Variants in GNAI3 observed in about 807,000 individuals in gnomAD.
GNAI3 encodes the protein guanine nucleotide-binding protein G(i) subunit alpha-3.
GNAI3 carries 12 observed loss-of-function variants against 41.8 expected under a neutral mutation model. The observed-to-expected ratio is 0.29, with a 90% CI of 0.18 to 0.47. The LOEUF (loss-of-function observed/expected upper bound fraction) is 0.47, where lower values mean the gene tolerates loss of function less well. Ranked by LOEUF, GNAI3 falls within the 20% of genes least tolerant of loss-of-function variation. The pLI, the probability that GNAI3 is intolerant of heterozygous loss-of-function variation, is 1.00. For synonymous variants in GNAI3, 132 were observed against 146.5 expected (o/e 0.90, Z 0.71); for missense variants, 360 against 429.6 (o/e 0.84, Z 1.43).
chr1:109,563,393 A>G (rs1445559119), intron 1 of GNAI3, among the ~76,000 whole-genome samples: 2 of 152,126 alleles, frequency 1.3e-5, no homozygotes, highest in Non-Finnish European at 1.5e-5. Context: ...TCAGAAGACA[A>G]ACAAACAAAC....
chr1:109,564,041 G>GTT (rs5776986), intron 1 of GNAI3, among the ~76,000 whole-genome samples: 167 of 134,748 alleles, frequency 1.2e-3, no homozygotes, highest in Admixed American at 2.7e-3. Flanking sequence ...GTTTTTGTGT[G>GTT]TTTTTTTTTT....
intron 7 of GNAI3, among the ~76,000 whole-genome samples, chr1:109,590,479 T>C (rs886657143): frequency 1.3e-5 from 2 of 152,190 alleles, no homozygotes; most frequent in Non-Finnish European, 2.9e-5. Context: ...CTCCTTTAAT[T>C]TACAGAGGTT....
chr1:109,580,593 C>G (rs542477088), intron 4 of GNAI3, among the ~76,000 whole-genome samples: 15 of 152,332 alleles, frequency 9.8e-5, no homozygotes, highest in Admixed American at 9.1e-4. Context: ...GTATAGCCTA[C>G]TACACACCTA....
intron 1 of GNAI3, among the ~76,000 whole-genome samples, chr1:109,571,191 T>G (rs1648587732): frequency 6.6e-6 from 1 of 150,426 alleles, no homozygotes; most frequent in Admixed American, 6.6e-5. Context: ...AGGGTTTGTT[T>G]TGAGGTGAGA....
chr1:109,591,162 G>C (rs907934268), intron 7 of GNAI3, among the ~76,000 whole-genome samples: 10 of 152,114 alleles, frequency 6.6e-5, no homozygotes, highest in African/African-American at 2.4e-4. Flanking sequence ...GCTTCATTGA[G>C]ATATAATTGG....
chr1:109,549,010 AG>A (rs1647906011), intron 1 of GNAI3, among the ~76,000 whole-genome samples, 172 bp downstream of exon 1: 6 of 84,964 alleles, frequency 7.1e-5, no homozygotes, highest in African/African-American at 1.8e-4. Context: ...GGGCGTGATG[AG>A]GGGGGTGGGG....
chr1:109,579,146 T>C lies in GNAI3; in HGVS notation c.304-58T>C, dbSNP rs566657853. ...ATGTGTCTATATTTTAAAGAGACTG[T>C]CATCAAGTCTTAAAGAAATGGAGAG... On this transcript the variant is annotated intron_variant, in intron 3 of 8. Coordinates refer to ENST00000369851, the MANE Select transcript of GNAI3 (RefSeq NM_006496.4). The C allele has an allele frequency of 5.5e-5, 76 of 1,373,994 alleles. 1 individual carries two copies. In the Admixed American group the frequency reaches 1.3e-3, roughly 23 times the overall value. The allele number at this position is 1,373,994 out of a possible 1,614,324, so 85.1% of individuals were successfully genotyped here.
At chr1:109,573,651 A>G in intron 1 of GNAI3, 86 bp from the exon 2 acceptor site, 19 of 1,147,186 alleles carry the variant, frequency 1.7e-5, no homozygotes, top group Non-Finnish European at 2.5e-5. Context: ...CGTGGTTTTC[A>G]TCAATCTAGA....
At chr1:109,571,364 G>A (rs1648591496) in intron 1 of GNAI3, among the ~76,000 whole-genome samples, 1 of 152,192 alleles carries the variant, frequency 6.6e-6, no homozygotes, top group Non-Finnish European at 1.5e-5. Flanking sequence ...TTAGTATAGA[G>A]ACAGTATACA....
At chr1:109,568,862 G>GT (rs10712459) in intron 1 of GNAI3, among the ~76,000 whole-genome samples, 8 of 150,818 alleles carry the variant, frequency 5.3e-5, no homozygotes, top group Admixed American at 2.0e-4. Flanking sequence ...CTTGTTGTTT[G>GT]TTTTTTTTTG....
At chr1:109,564,762 C>T (rs974208855) in intron 1 of GNAI3, among the ~76,000 whole-genome samples, 1 of 152,060 alleles carries the variant, frequency 6.6e-6, no homozygotes, top group Non-Finnish European at 1.5e-5. Context: ...ACTGAGGTAG[C>T]GAAGTAGGGA....
rs1649195583 is a variant in GNAI3, at chr1:109,592,436, T to C, written c.*114T>C. ...ACGGGACCAGGGAATGGCAGCAGCA[T>C]GCAGAATCTTAGCACTCTTTAGCAC... On this transcript the variant is annotated 3_prime_UTR_variant, in exon 9 of 9. Transcript: ENST00000369851. The C allele has an allele frequency of 2.2e-6, 1 of 457,448 alleles. No individual in the cohort carries two copies. The highest frequency in any genetic ancestry group is 4.0e-6 in the Non-Finnish European group (1 of 252,560). 28.3% of individuals were successfully genotyped at this position (457,448 alleles called of 1,614,324 possible).
chr1:109,577,168 T>G (rs945118232), intron 3 of GNAI3, among the ~76,000 whole-genome samples: 1 of 151,984 alleles, frequency 6.6e-6, no homozygotes, highest in Admixed American at 6.6e-5. Context: ...CACTGCTGAG[T>G]ATGTTTGCCA....
At chr1:109,576,239 T>C (rs1648739860) in intron 3 of GNAI3, among the ~76,000 whole-genome samples, 1 of 151,912 alleles carries the variant, frequency 6.6e-6, no homozygotes, top group Admixed American at 6.6e-5. Context: ...TGACTAATTT[T>C]TGTATTTTTA....
chr1:109,579,550 C>T (rs1168249841), intron 4 of GNAI3, among the ~76,000 whole-genome samples, 189 bp downstream of exon 4: 1 of 152,134 alleles, frequency 6.6e-6, no homozygotes, highest in African/African-American at 2.4e-5. Flanking sequence ...GAAAAAAGTT[C>T]CCTCTTGGAA....
At position 109,593,718 on chromosome 1, in the gene GNAI3, A is replaced by G. The variant is rs1193154756; in HGVS notation, c.*1396A>G. ...TATGAGTGATATGTGATCATGATTCATTTTGCAGATTTACATTTTGCTTGT... is the reference window on the plus strand; with the variant it reads ...TATGAGTGATATGTGATCATGATTCGTTTTGCAGATTTACATTTTGCTTGT... On this transcript the variant is annotated 3_prime_UTR_variant, in exon 9 of 9. Coordinates refer to ENST00000369851, the MANE Select transcript of GNAI3 (RefSeq NM_006496.4). 6.6e-6 allele frequency: 1 copy of G among 152,580 alleles called. No individual in the cohort carries two copies. The highest frequency in any genetic ancestry group is 2.4e-5 in the African/African-American group (1 of 41,422). The allele number at this position is 152,580 out of a possible 1,614,324, so 9.5% of individuals were successfully genotyped here. A position where few individuals can be genotyped will look rare whatever the true frequency, so the allele number is the denominator to read the frequency against.
At chr1:109,580,458 A>T (rs932578744) in intron 4 of GNAI3, among the ~76,000 whole-genome samples, 2 of 152,156 alleles carry the variant, frequency 1.3e-5, no homozygotes, top group Non-Finnish European at 2.9e-5. Flanking sequence ...TTAAATTGTT[A>T]CAAGAAGAAA....
chr1:109,591,771 T>G (rs1649178951), intron 7 of GNAI3: 2 of 376,544 alleles, frequency 5.3e-6, no homozygotes, highest in African/African-American at 2.1e-5. Flanking sequence ...CTAGATTTTT[T>G]TAGCTGAAAA....
intron 5 of GNAI3, among the ~76,000 whole-genome samples, chr1:109,585,213 A>G (rs1649003000): frequency 6.6e-6 from 1 of 152,238 alleles, no homozygotes; most frequent in Non-Finnish European, 1.5e-5. Flanking sequence ...AACAATTTGC[A>G]TGTGTACATC....
Sources: gnomAD v4.1 joint callset for allele counts (sites outside exome capture counted in the v4.1 genomes callset) on GRCh38, gnomAD v4.1.1 for gene constraint, MANE v1.5 for transcripts, NCBI Gene and HGNC (gene_info 2026-07-23, HGNC 2026-07-21) for gene names.